Variants in TMOD1 observed in about 807,000 individuals in gnomAD.
TMOD1 encodes tropomodulin-1.
Under a neutral mutation model 40.6 loss-of-function variants are expected in TMOD1, and 17 were observed. The ratio of observed to expected loss-of-function variants is 0.42; its 90% CI spans 0.29 to 0.63. The LOEUF is 0.63. Among genes scored for constraint, TMOD1 ranks in the 20% least tolerant of loss-of-function variants. TMOD1 has a pLI of 0.22. For missense variants in TMOD1, 391 were observed against 447.6 expected (o/e 0.87, Z 1.14); for synonymous variants, 181 against 175.0 (o/e 1.03, Z -0.27).
chr9:97,523,895 A>C (rs1463955295), intron 1 of TMOD1, among the ~76,000 whole-genome samples: 2 of 152,240 alleles, frequency 1.3e-5, no homozygotes, highest in African/African-American at 4.8e-5. Context: ...TTGCCCATTT[A>C]CTTGTAATTA....
chr9:97,537,285 T>C (rs1370670382), intron 2 of TMOD1, among the ~76,000 whole-genome samples: 1 of 152,250 alleles, frequency 6.6e-6, no homozygotes, highest in Non-Finnish European at 1.5e-5. Context: ...TGTGTGCATG[T>C]CTGCACATGT....
intron 8 of TMOD1, among the ~76,000 whole-genome samples, chr9:97,586,068 GA>G (rs1184633163): frequency 6.6e-6 from 1 of 151,906 alleles, no homozygotes; most frequent in Non-Finnish European, 1.5e-5. Context: ...TCCTTTGGAG[GA>G]GGAGAGGTGC....
intron 1 of TMOD1, among the ~76,000 whole-genome samples, chr9:97,508,167 C>T (rs2131205592): frequency 6.6e-6 from 1 of 151,886 alleles, no homozygotes; most frequent in Non-Finnish European, 1.5e-5. Context: ...GCTCTGTAAT[C>T]TCAGGTAACT....
intron 2 of TMOD1, among the ~76,000 whole-genome samples, chr9:97,531,494 C>T (rs1482251765): frequency 6.6e-6 from 1 of 152,020 alleles, no homozygotes; most frequent in Non-Finnish European, 1.5e-5. Context: ...AACTGTAATC[C>T]CAGCTACTTG....
At chr9:97,519,465 C>T (rs1829881042) in intron 1 of TMOD1, among the ~76,000 whole-genome samples, 1 of 152,176 alleles carries the variant, frequency 6.6e-6, no homozygotes, top group South Asian at 2.1e-4. Context: ...CCTTTTATTG[C>T]TCTCACCAAC....
rs1826261129 is a variant in TMOD1 at position 97,601,590 on chromosome 9, AG to A, written c.*1896del. The A allele has an allele frequency of 2.0e-6, 2 of 987,250 alleles. No individual in the cohort carries two copies. The highest frequency in any genetic ancestry group is 2.4e-6 in the Non-Finnish European group (2 of 831,250). 61.2% of individuals were successfully genotyped at this position (987,250 alleles called of 1,614,324 possible). On this transcript the variant is annotated 3_prime_UTR_variant, in exon 10 of 10. Coordinates refer to ENST00000259365, the MANE Select transcript of TMOD1 (RefSeq NM_003275.4). ...ATCAGATGAGCTGCTGGTCTAGATC[AG>A]GGGCTGGCAAACTTTTCTGTAAAAG...
intron 8 of TMOD1, among the ~76,000 whole-genome samples, chr9:97,589,719 A>G (rs1260357823): frequency 6.6e-6 from 1 of 152,080 alleles, no homozygotes; most frequent in East Asian, 1.9e-4. Flanking sequence ...TTGCTTAATT[A>G]TCCTGTCTAG....
intron 8 of TMOD1, among the ~76,000 whole-genome samples, chr9:97,579,582 G>C (rs560805363): frequency 6.6e-6 from 1 of 152,134 alleles, no homozygotes; most frequent in South Asian, 2.1e-4. Context: ...CACTGTGCCC[G>C]GCTACCAGTG....
At chr9:97,534,953 A>C (rs1262094761) in intron 2 of TMOD1, among the ~76,000 whole-genome samples, 1 of 152,180 alleles carries the variant, frequency 6.6e-6, no homozygotes, top group African/African-American at 2.4e-5. Context: ...AGCCTTGAGC[A>C]AAGGCATGGC....
intron 2 of TMOD1, among the ~76,000 whole-genome samples, chr9:97,529,531 C>T (rs1444401158): frequency 6.8e-6 from 1 of 146,204 alleles, no homozygotes. Flanking sequence ...AACTTGTGCA[C>T]GTTAAAAAAA....
intron 8 of TMOD1, among the ~76,000 whole-genome samples, chr9:97,589,641 A>G (rs1014216495): frequency 6.6e-6 from 1 of 152,120 alleles, no homozygotes; most frequent in African/African-American, 2.4e-5. Flanking sequence ...ATACAACATT[A>G]TATCATCTGC....
chr9:97,510,668 G>A (rs1829681672), intron 1 of TMOD1, among the ~76,000 whole-genome samples: 1 of 152,214 alleles, frequency 6.6e-6, no homozygotes, highest in Admixed American at 6.5e-5. Context: ...CTTTGTGAAG[G>A]ACCATGGGAG....
chr9:97,523,465 C>A (rs1194176733), intron 1 of TMOD1, among the ~76,000 whole-genome samples: 1 of 152,164 alleles, frequency 6.6e-6, no homozygotes, highest in African/African-American at 2.4e-5. Flanking sequence ...AGCCAGCAGA[C>A]CTGAGTTTAA....
chr9:97,588,909 G>T (rs1825938211), intron 8 of TMOD1, among the ~76,000 whole-genome samples: 2 of 152,036 alleles, frequency 1.3e-5, no homozygotes, highest in South Asian at 4.1e-4. Context: ...CTGAGTTCAG[G>T]AGTTTGAAAG....
chr9:97,529,402 T>C (rs1420250995), intron 2 of TMOD1, among the ~76,000 whole-genome samples: 1 of 152,136 alleles, frequency 6.6e-6, no homozygotes, highest in African/African-American at 2.4e-5. Context: ...AGTACCTGAA[T>C]TCAACAAACA....
At chr9:97,590,462 G>T (rs1218931547) in intron 8 of TMOD1, among the ~76,000 whole-genome samples, 1 of 151,998 alleles carries the variant, frequency 6.6e-6, no homozygotes, top group African/African-American at 2.4e-5. Context: ...CTTAGCTCAG[G>T]CAGACTGCCC....
rs76754091 is a variant in TMOD1 at position 97,508,683 on chromosome 9, G to T, written c.-49+6880G>T. 7.3e-3 allele frequency among the ~76,000 whole-genome samples: 1,113 copies of T among 152,268 alleles called. 39 individuals carry two copies. In the East Asian group the frequency reaches 0.1, roughly 14 times the overall value. ...GATGGCCTGCCTGGATGTAAATCCT[G>T]GCTCTACCACTTATTAGCTTTGTGA... On this transcript the variant is annotated intron_variant, in intron 1 of 9. Transcript: ENST00000259365.
intron 3 of TMOD1, 112 bp from the exon 4 acceptor site, chr9:97,553,169 C>G (rs1368948394): frequency 4.0e-6 from 6 of 1,504,566 alleles, no homozygotes; most frequent in South Asian, 2.5e-5. Flanking sequence ...TGAAGGGACT[C>G]TCAGCATGGA....
At chr9:97,514,245 G>GC (rs1554753242) in intron 1 of TMOD1, among the ~76,000 whole-genome samples, 4 of 143,122 alleles carry the variant, frequency 2.8e-5, no homozygotes, top group African/African-American at 5.1e-5. Flanking sequence ...TTTTTTGGGG[G>GC]GGGGGTTGTG....
Sources: gnomAD v4.1 joint callset for allele counts (sites outside exome capture counted in the v4.1 genomes callset) on GRCh38, gnomAD v4.1.1 for gene constraint, MANE v1.5 for transcripts, NCBI Gene and HGNC (gene_info 2026-07-23, HGNC 2026-07-21) for gene names.